EIF4G3: variants seen among roughly 807,000 people sequenced by gnomAD.
EIF4G3 encodes eukaryotic translation initiation factor 4 gamma 3, also known as eIF-4-gamma 3.
A neutral mutation model predicts 186.4 loss-of-function variants in EIF4G3; 34 were observed. The ratio of observed to expected loss-of-function variants is 0.18; its 90% CI spans 0.14 to 0.24. The LOEUF is 0.24. Ranked by LOEUF, EIF4G3 falls within the 10% of genes least tolerant of loss-of-function variation. The probability of loss-of-function intolerance (pLI) is 1.00; values close to 1 mark genes in which losing one functional copy is unlikely to be tolerated. For missense variants in EIF4G3, 1,536 were observed against 1,948.5 expected, an observed-to-expected ratio of 0.79 and a Z score of 3.99; for synonymous variants, 673 against 679.5, an observed-to-expected ratio of 0.99 and a Z score of 0.15.
At chr1:20,872,062 C>T (rs1263730998) in intron 20 of EIF4G3, among the ~76,000 whole-genome samples, 1 of 152,006 alleles carries the variant, frequency 6.6e-6, no homozygotes, top group Non-Finnish European at 1.5e-5. Flanking sequence ...TGTGTCAAAT[C>T]TTACCATTTT....
chr1:20,926,419 C>T (rs1318421280), intron 14 of EIF4G3, among the ~76,000 whole-genome samples: 1 of 152,190 alleles, frequency 6.6e-6, no homozygotes, highest in African/African-American at 2.4e-5. Context: ...GTAGCTCATG[C>T]CTGTAACCCC....
At chr1:21,117,763 T>TAAAAAAAAAAAA (rs757506833) in intron 2 of EIF4G3, among the ~76,000 whole-genome samples, 37 of 107,540 alleles carry the variant, frequency 3.4e-4, no homozygotes, top group Non-Finnish European at 5.1e-4. Flanking sequence ...AAAAAAAAAT[T>TAAAAAAAAAAAA]AAAAGCAGAA....
chr1:21,074,318 A>C (rs2100504809), intron 3 of EIF4G3, among the ~76,000 whole-genome samples: 1 of 152,290 alleles, frequency 6.6e-6, no homozygotes, highest in East Asian at 1.9e-4. Flanking sequence ...CTCCACACAT[A>C]ACTAAATATC....
intron 4 of EIF4G3, among the ~76,000 whole-genome samples, chr1:21,048,713 C>T (rs566881986): frequency 3.8e-4 from 58 of 152,250 alleles, no homozygotes; most frequent in Non-Finnish European, 7.5e-4. Context: ...GGGCAGAATT[C>T]TCACAAGTTC....
At chr1:20,878,394 C>T (rs1458561348) in intron 20 of EIF4G3, among the ~76,000 whole-genome samples, 5 of 152,258 alleles carry the variant, frequency 3.3e-5, no homozygotes, top group Admixed American at 6.5e-5. Flanking sequence ...GTCTAACCAT[C>T]CATTCAGGCA....
At chr1:20,946,564 G>T (rs186826446) in intron 13 of EIF4G3, among the ~76,000 whole-genome samples, 2 of 152,088 alleles carry the variant, frequency 1.3e-5, no homozygotes, top group Admixed American at 1.3e-4. Flanking sequence ...CTGAGAAACC[G>T]GAAGCTTAAT....
At chr1:21,069,500 T>A (rs1166435236) in intron 3 of EIF4G3, among the ~76,000 whole-genome samples, 1 of 152,202 alleles carries the variant, frequency 6.6e-6, no homozygotes, top group African/African-American at 2.4e-5. Flanking sequence ...CACAAAACCT[T>A]GCATATAGCT....
chr1:20,870,132 C>A (rs2078785660), intron 20 of EIF4G3, among the ~76,000 whole-genome samples: 1 of 152,110 alleles, frequency 6.6e-6, no homozygotes, highest in Non-Finnish European at 1.5e-5. Context: ...CCTCCTCCTC[C>A]AGTTGACCGG....
At chr1:21,040,618 A>G (rs1389969293) in intron 4 of EIF4G3, among the ~76,000 whole-genome samples, 2 of 152,192 alleles carry the variant, frequency 1.3e-5, no homozygotes, top group African/African-American at 2.4e-5. Context: ...GTTTAAATGC[A>G]TATTCCTAGA....
At chr1:21,033,716 T>C (rs2092938830) in intron 4 of EIF4G3, among the ~76,000 whole-genome samples, 1 of 152,306 alleles carries the variant, frequency 6.6e-6, no homozygotes, top group African/African-American at 2.4e-5. Flanking sequence ...AAAATTCTTT[T>C]CCACAGTTTA....
chr1:21,018,247 A>T (rs1489456252), intron 4 of EIF4G3, among the ~76,000 whole-genome samples: 1 of 152,138 alleles, frequency 6.6e-6, no homozygotes, highest in East Asian at 1.9e-4. Flanking sequence ...TGCCCAGTCA[A>T]ATGTAAATGT....
rs78653707 is a variant in EIF4G3, at chr1:20,812,341, C to T, written c.4597+817G>A. Among the ~76,000 whole-genome samples, 269 of 152,290 alleles carry T rather than the reference C, an allele frequency of 1.8e-3. 9 individuals are homozygous for T. The East Asian group carries it at 0.048, about 27-fold the overall frequency. Reference sequence around the variant, plus strand: ...AAGTCTTATGATGGTTCTATGGATACTGAAAATGATTTTTAAAAATTTCAT... The same window carrying T: ...AAGTCTTATGATGGTTCTATGGATATTGAAAATGATTTTTAAAAATTTCAT... On this transcript the variant is annotated intron_variant, in intron 35 of 36. Transcript: ENST00000602326.
At chr1:20,959,606 A>G (rs1425365963) in intron 12 of EIF4G3, among the ~76,000 whole-genome samples, 1 of 151,040 alleles carries the variant, frequency 6.6e-6, no homozygotes, top group Non-Finnish European at 1.5e-5. Flanking sequence ...ATAGAGATGC[A>G]AACTACACAT....
At position 20,927,029 on chromosome 1, in the gene EIF4G3, A is replaced by T. The variant is rs556898482; in HGVS notation, c.1663+14462T>A. On this transcript the variant is annotated intron_variant, in intron 14 of 36. Coordinates refer to ENST00000602326, the MANE Select transcript of EIF4G3 (RefSeq NM_001391906.1). ...AAACCTTGTGAATAGAGTCATATTG[A>T]AAAATTGAAAAAAATACTTTTTTTT... 6.4e-4 allele frequency among the ~76,000 whole-genome samples: 98 copies of T among 152,162 alleles called. 1 individual carries two copies. Among genetic ancestry groups the T allele is most frequent in the Middle Eastern group, 3.4e-3 (1 of 294 alleles).
chr1:21,089,265 T>G, intron 2 of EIF4G3, 52 bp from the exon 3 acceptor site: 2 of 708,010 alleles, frequency 2.8e-6, no homozygotes, highest in East Asian at 5.4e-5. Flanking sequence ...GCTTAATAGT[T>G]AGAGAAAATT....
chr1:20,827,359 G>A (rs1179873966), intron 32 of EIF4G3, among the ~76,000 whole-genome samples: 2 of 152,088 alleles, frequency 1.3e-5, no homozygotes, highest in African/African-American at 4.8e-5. Context: ...TTCAAAGGAA[G>A]AAAAAATCAA....
chr1:20,825,308 C>G, intron 32 of EIF4G3, 110 bp from the exon 33 acceptor site: 1 of 813,748 alleles, frequency 1.2e-6, no homozygotes. Context: ...CCCCAAAAAG[C>G]TGAAAAATCA....
intron 30 of EIF4G3, among the ~76,000 whole-genome samples, chr1:20,836,907 C>T (rs1053321132): frequency 6.6e-6 from 1 of 152,200 alleles, no homozygotes; most frequent in South Asian, 2.1e-4. Context: ...ATGCTTCTAC[C>T]TATCTACCTA....
In EIF4G3 at chr1:21,057,341, T is replaced by C. The variant is rs140438186; in HGVS notation, c.-195-6347A>G. 7.2e-4 allele frequency among the ~76,000 whole-genome samples: 109 copies of C among 152,224 alleles called. 1 individual carries two copies. The highest frequency in any genetic ancestry group is 2.6e-3 in the African/African-American group (108 of 41,528). On this transcript the variant is annotated intron_variant, in intron 3 of 36. Transcript: ENST00000602326. The stretch of plus-strand genomic sequence containing the variant: ...CCTATACAGAAACAGAATAAAAAAC[T>C]ACCATAACACAATTTAGATGACCCT...
Sources: gnomAD v4.1 joint callset for allele counts (sites outside exome capture counted in the v4.1 genomes callset) on GRCh38, gnomAD v4.1.1 for gene constraint, MANE v1.5 for transcripts, NCBI Gene and HGNC (gene_info 2026-07-23, HGNC 2026-07-21) for gene names.